ABCA10: variants seen among roughly 807,000 people sequenced by gnomAD.
ABCA10 encodes ATP binding cassette subfamily A member 10.
Under a neutral mutation model 187.5 loss-of-function variants are expected in ABCA10, and 169 were observed. The ratio of observed to expected loss-of-function variants is 0.90; its 90% confidence interval spans 0.80 to 1.02. The LOEUF (loss-of-function observed/expected upper bound fraction) is 1.02. Among genes scored for constraint, ABCA10 ranks in the 50% least tolerant of loss-of-function variants. The probability of loss-of-function intolerance (pLI) is 0.00; values close to 1 mark genes in which losing one functional copy is unlikely to be tolerated. For synonymous variants in ABCA10, 574 were observed against 601.8 expected, an observed-to-expected ratio of 0.95 and a Z score of 0.68; for missense variants, 1,727 against 1,812.4, an observed-to-expected ratio of 0.95 and a Z score of 0.86.
At chr17:69,240,394 C>T (rs1465701428) in intron 1 of ABCA10, among the ~76,000 whole-genome samples, 1 of 152,170 alleles carries the variant, frequency 6.6e-6, no homozygotes, top group Non-Finnish European at 1.5e-5. Flanking sequence ...TTGATGGTAG[C>T]ACTCTCAGAG....
At chr17:69,152,617 C>T (rs1248324723) in intron 34 of ABCA10, 136 bp from the exon 35 acceptor site, 2 of 1,280,698 alleles carry the variant, frequency 1.6e-6, no homozygotes, top group East Asian at 2.7e-5. Context: ...GAAACCCCAT[C>T]TCCACAAAAA....
intron 34 of ABCA10, 45 bp from the exon 35 acceptor site, chr17:69,152,526 G>T: frequency 6.4e-7 from 1 of 1,567,288 alleles, no homozygotes; most frequent in Non-Finnish European, 8.6e-7. Context: ...AAGTAATTTG[G>T]GGAAATAGAT....
In ABCA10 at chr17:69,197,059, T is replaced by C; in HGVS notation, c.1234+5A>G. On this transcript the variant is annotated splice_donor_5th_base_variant and intron_variant, in intron 11 of 38. Transcript: ENST00000690296. ...GGGAGAGGGAGAGGGAGTTTTTCTT[T>C]TTACCTTGCAATGCTTCTACTTTTC... The C allele has an allele frequency of 6.4e-7, 1 of 1,566,102 alleles. No homozygotes were observed. Among genetic ancestry groups the C allele is most frequent in the Non-Finnish European group, 8.7e-7 (1 of 1,149,490 alleles).
rs67858017 is a variant in ABCA10 at position 69,208,417 on chromosome 17, C to CA, written c.1006+6286dup. 5.0e-3 allele frequency among the ~76,000 whole-genome samples: 448 copies of CA among 89,318 alleles called. 6 individuals carry two copies. The highest frequency in any genetic ancestry group is 0.011 in the East Asian group (32 of 2,886). 58.6% of individuals were successfully genotyped at this position (89,318 alleles called of 152,430 possible). A position where few individuals can be genotyped will look rare whatever the true frequency, so the allele number is the denominator to read the frequency against. On this transcript the variant is annotated intron_variant, in intron 9 of 38. Transcript: ENST00000690296. ...GAGGGGACAGGGCGAGACTCTGTCTCAAAAAAAAAAAAAAAAAAAAAAAAG... is the reference window on the plus strand; with the variant it reads ...GAGGGGACAGGGCGAGACTCTGTCTCAAAAAAAAAAAAAAAAAAAAAAAAAG...
chr17:69,207,255 G>A (rs1171625819), intron 9 of ABCA10, among the ~76,000 whole-genome samples: 2 of 152,166 alleles, frequency 1.3e-5, no homozygotes, highest in Admixed American at 1.3e-4. Flanking sequence ...TGTTGGCAAC[G>A]ATGTGGAGAA....
chr17:69,153,286 TA>T lies in ABCA10; in HGVS notation c.4136+18del. 1 of 1,586,612 alleles carries T rather than the reference TA, an allele frequency of 6.3e-7. No homozygotes were observed. Among genetic ancestry groups the T allele is most frequent in the African/African-American group, 1.4e-5 (1 of 73,380 alleles). ...GAGGTATTCTCTTGACTCTGACACT[TA>T]ATATTCACTCTCCTTACCACATTTG... On this transcript the variant is annotated intron_variant, in intron 34 of 38. Transcript: ENST00000690296.
upstream of ABCA10, among the ~76,000 whole-genome samples, chr17:69,232,042 A>G (rs1013406393): frequency 3.9e-5 from 6 of 152,056 alleles, no homozygotes; most frequent in Non-Finnish European, 7.4e-5. Flanking sequence ...TTTATCAGAT[A>G]TAAGTATAGC....
At chr17:69,220,907 G>A (rs2074742647) in intron 5 of ABCA10, among the ~76,000 whole-genome samples, 1 of 152,100 alleles carries the variant, frequency 6.6e-6, no homozygotes, top group Non-Finnish European at 1.5e-5. Flanking sequence ...AACACATTTG[G>A]CCCCCAGAGC....
intron 10 of ABCA10, among the ~76,000 whole-genome samples, chr17:69,199,236 T>C (rs1277567860): frequency 1.4e-5 from 2 of 146,194 alleles, no homozygotes; most frequent in Non-Finnish European, 3.0e-5. Flanking sequence ...CTTCTTTATT[T>C]CTTTTAATTC....
At chr17:69,191,070 T>A in intron 17 of ABCA10, 106 bp downstream of exon 17, 2 of 1,081,550 alleles carry the variant, frequency 1.8e-6, no homozygotes, top group East Asian at 6.3e-5. Context: ...GAATAAATAT[T>A]TTCATTTGTA....
chr17:69,201,138 G>A (rs2074540481), intron 10 of ABCA10, among the ~76,000 whole-genome samples: 3 of 152,152 alleles, frequency 2.0e-5, no homozygotes, highest in African/African-American at 7.2e-5. Flanking sequence ...TACTCCCTAT[G>A]GGAAGATAGT....
At chr17:69,175,716 C>A (rs945981094) in intron 22 of ABCA10, 19 of 413,614 alleles carry the variant, frequency 4.6e-5, no homozygotes, top group South Asian at 3.1e-4. Flanking sequence ...AATTCAAAAT[C>A]TCAATTTTAT....
rs138150328 is a variant in ABCA10, at chr17:69,215,862, C to G, written c.811G>C (p.Val271Leu). 72 of 1,613,120 alleles carry G rather than the reference C, an allele frequency of 4.5e-5. No individual in the cohort carries two copies. Among genetic ancestry groups the G allele is most frequent in the Middle Eastern group, 1.6e-4 (1 of 6,078 alleles). Residue 271 changes from valine (V) to leucine (L), a missense_variant, in exon 8 of 39, where the codon GTA becomes CTA. Transcript: ENST00000690296. ...YRQLPLSLGW[V>L]LSLLSPFAFT... ...GCAAAAGGGCTAAGAAGACTTAATACCCATCCCAAAGATAAAGGAAGTTGT... is the reference window on the plus strand; with the variant it reads ...GCAAAAGGGCTAAGAAGACTTAATAGCCATCCCAAAGATAAAGGAAGTTGT...
Position 69,148,591 on chromosome 17 carries a change from T to C in ABCA10, c.*236A>G. The stretch of plus-strand genomic sequence containing the variant: ...TTTTAAATTATTTTTAAGCACAAAA[T>C]AGACCCATGTTGGGGATGAATAACA... On this transcript the variant is annotated 3_prime_UTR_variant, in exon 39 of 39. Transcript: ENST00000690296. 1 of 428,494 alleles carries C rather than the reference T, an allele frequency of 2.3e-6. No homozygotes were observed. The highest frequency in any genetic ancestry group is 3.6e-5 in the South Asian group (1 of 28,024). 26.5% of individuals were successfully genotyped at this position (428,494 alleles called of 1,614,324 possible). A position where few individuals can be genotyped will look rare whatever the true frequency, so the allele number is the denominator to read the frequency against.
intron 25 of ABCA10, among the ~76,000 whole-genome samples, chr17:69,173,343 G>A (rs2074310908): frequency 6.6e-6 from 1 of 152,088 alleles, no homozygotes; most frequent in African/African-American, 2.4e-5. Flanking sequence ...AACTGGTTGT[G>A]TTTGTGATAT....
intron 28 of ABCA10, 25 bp from the exon 29 acceptor site, chr17:69,155,950 A>G (rs201695333): frequency 1.3e-5 from 21 of 1,601,384 alleles, no homozygotes; most frequent in Non-Finnish European, 1.7e-5. Flanking sequence ...AAATAACATA[A>G]AAATGCAATT....
At chr17:69,198,423 G>C (rs2074521465) in intron 10 of ABCA10, among the ~76,000 whole-genome samples, 2 of 152,160 alleles carry the variant, frequency 1.3e-5, no homozygotes, top group Non-Finnish European at 2.9e-5. Flanking sequence ...CAGAAATGAA[G>C]CAAGGTCATT....
At chr17:69,204,070 C>T (rs1231478629) in intron 9 of ABCA10, among the ~76,000 whole-genome samples, 1 of 152,124 alleles carries the variant, frequency 6.6e-6, no homozygotes, top group Non-Finnish European at 1.5e-5. Context: ...AAATTATCAC[C>T]AGGCACCTAT....
chr17:69,232,667 TATTAGA>T (rs1568078225), upstream of ABCA10, among the ~76,000 whole-genome samples: 1 of 152,198 alleles, frequency 6.6e-6, no homozygotes, highest in Non-Finnish European at 1.5e-5. Context: ...ACAATTACAG[TATTAGA>T]ATAACAATCA....
Sources: allele counts gnomAD v4.1 joint callset (sites outside exome capture counted in the v4.1 genomes callset), GRCh38; gene constraint gnomAD v4.1.1; transcripts MANE v1.5; gene names NCBI Gene and HGNC (gene_info 2026-07-23, HGNC 2026-07-21).